Variants in GLI2 observed in about 807,000 individuals in gnomAD.
The protein encoded by GLI2 is GLI family zinc finger 2.
In GLI2, 22 loss-of-function variants were observed where a neutral mutation model predicts 78.9. The ratio of observed to expected loss-of-function variants is 0.28; its 90% confidence interval spans 0.20 to 0.40. The LOEUF is 0.40. GLI2 is among the 10% of genes least tolerant of loss of function. The pLI, the probability that GLI2 is intolerant of heterozygous loss-of-function variation, is 1.00. For synonymous variants in GLI2, 974 were observed against 963.7 expected (o/e 1.01, Z -0.20); for missense variants, 2,097 against 2,213.2 (o/e 0.95, Z 1.05).
intron 2 of GLI2, among the ~76,000 whole-genome samples, chr2:120,902,669 G>A (rs1367012842): frequency 3.9e-5 from 6 of 152,240 alleles, no homozygotes; most frequent in Non-Finnish European, 8.8e-5. Context: ...TCCAGAGGCT[G>A]TGCTGCCCCT....
intron 2 of GLI2, among the ~76,000 whole-genome samples, chr2:120,829,964 C>CGTGT (rs140092401): frequency 6.6e-6 from 1 of 151,804 alleles, no homozygotes; most frequent in African/African-American, 2.4e-5. Context: ...GGTGTGCCTG[C>CGTGT]GTGTGTGTGT....
chr2:120,771,798 T>A (rs1683530480), intron 1 of GLI2, among the ~76,000 whole-genome samples: 2 of 152,156 alleles, frequency 1.3e-5, no homozygotes, highest in Admixed American at 1.3e-4. Context: ...GGACCAGGAC[T>A]CCTCAAAGTT....
At chr2:120,905,710 A>C (rs1043066301) in intron 2 of GLI2, among the ~76,000 whole-genome samples, 2 of 152,208 alleles carry the variant, frequency 1.3e-5, no homozygotes, top group African/African-American at 4.8e-5. Flanking sequence ...AGGGCCCTTC[A>C]GCAGGAACGA....
intron 2 of GLI2, among the ~76,000 whole-genome samples, chr2:120,850,895 C>G (rs1687375648): frequency 6.6e-6 from 1 of 152,190 alleles, no homozygotes; most frequent in Non-Finnish European, 1.5e-5. Context: ...ATTAAAGAAT[C>G]AAAACGTGGT....
intron 7 of GLI2, 119 bp from the exon 8 acceptor site, chr2:120,971,822 A>T: frequency 1.1e-6 from 1 of 889,688 alleles, no homozygotes; most frequent in Non-Finnish European, 1.9e-6. Flanking sequence ...CTGATACTTT[A>T]AACACAGGGT....
intron 2 of GLI2, among the ~76,000 whole-genome samples, chr2:120,804,008 T>A (rs1684823136): frequency 6.6e-6 from 1 of 152,116 alleles, no homozygotes; most frequent in Non-Finnish European, 1.5e-5. Context: ...CCAGGAGGCG[T>A]GTGTGCTACC....
At chr2:120,901,518 C>T (rs542113768) in intron 2 of GLI2, among the ~76,000 whole-genome samples, 1 of 152,298 alleles carries the variant, frequency 6.6e-6, no homozygotes, top group South Asian at 2.1e-4. Flanking sequence ...CTTCCTGGCC[C>T]CAGCCCCCAG....
chr2:120,812,328 G>A (rs1183732747), intron 2 of GLI2, among the ~76,000 whole-genome samples: 2 of 152,180 alleles, frequency 1.3e-5, no homozygotes, highest in African/African-American at 4.8e-5. Context: ...AGGAGCCGCT[G>A]GATGGGCCCT....
At chr2:120,936,175 C>T (rs755110195) in intron 3 of GLI2, among the ~76,000 whole-genome samples, 2 of 152,152 alleles carry the variant, frequency 1.3e-5, no homozygotes, top group Non-Finnish European at 2.9e-5. Context: ...CTCTTCACAT[C>T]CTTGGGCTTG....
At position 120,988,759 on chromosome 2, in the gene GLI2, G is replaced by C; in HGVS notation, c.2794G>C (p.Gly932Arg). Reference sequence around the variant, plus strand: ...CAGCGACGGGCCGACCTATGGCCACGGCCACGCGGGGGCTGCGCCCGCCTT... The same window carrying C: ...CAGCGACGGGCCGACCTATGGCCACCGCCACGCGGGGGCTGCGCCCGCCTT... ...RGSDGPTYGH[G>R]HAGAAPAFPH... Residue 932 changes from glycine (G) to arginine (R), a missense_variant, in exon 14 of 14, where the codon GGC (glycine) becomes CGC (arginine). By Grantham distance (125) the Gly-to-Arg change is moderately radical. This residue lies in a region of GLI2 where 1,290 missense variants were observed against 1,261.7 expected (regional missense o/e 1.02). Transcript: ENST00000361492. 8.0e-7 allele frequency: 1 copy of C among 1,246,284 alleles called. No homozygotes were observed. 77.2% of individuals were successfully genotyped at this position (1,246,284 alleles called of 1,614,324 possible). A position where few individuals can be genotyped will look rare whatever the true frequency, so the allele number is the denominator to read the frequency against.
chr2:120,814,521 G>C (rs1685401679), intron 2 of GLI2, among the ~76,000 whole-genome samples: 1 of 152,168 alleles, frequency 6.6e-6, no homozygotes, highest in Non-Finnish European at 1.5e-5. Flanking sequence ...GTGGAGCAGG[G>C]GTCCCATCCT....
In GLI2 at chr2:120,989,403, T is replaced by C; in HGVS notation, c.3438T>C (p.Pro1146=). 1 of 1,613,022 alleles carries C rather than the reference T, an allele frequency of 6.2e-7. No individual in the cohort carries two copies. The highest frequency in any genetic ancestry group is 8.5e-7 in the Non-Finnish European group (1 of 1,179,986). Residue 1146 remains proline (P), a synonymous_variant, in exon 14 of 14, where the codon CCT becomes CCC. Transcript: ENST00000361492. ...ACGCCCTGGCCAGCCAGGTGAAGCCTCCACCCTTTCCTCAGGGCAACCTGG... is the reference window on the plus strand; with the variant it reads ...ACGCCCTGGCCAGCCAGGTGAAGCCCCCACCCTTTCCTCAGGGCAACCTGG... The part of the protein sequence containing the change: ...TVDALASQVK[P]PPFPQGNLAV...
chr2:120,749,061 G>A (rs1031343910), intron 1 of GLI2, among the ~76,000 whole-genome samples: 6 of 152,160 alleles, frequency 3.9e-5, no homozygotes, highest in African/African-American at 1.4e-4. Flanking sequence ...CATCCATGAA[G>A]CCAAGGGTCA....
At chr2:120,815,743 G>C (rs140746617) in intron 2 of GLI2, among the ~76,000 whole-genome samples, 4 of 152,330 alleles carry the variant, frequency 2.6e-5, no homozygotes, top group Admixed American at 1.3e-4. Context: ...TTGGAACCAG[G>C]GTGGTGATAG....
In GLI2 at chr2:120,992,588, A is replaced by AT. The variant is rs951125020; in HGVS notation, c.*1919dup. On this transcript the variant is annotated 3_prime_UTR_variant, in exon 14 of 14. Coordinates refer to ENST00000361492, the MANE Select transcript of GLI2 (RefSeq NM_001374353.1). ...TGCATTCGAGCAGAAATTAGGCTGTATTTTTTCTTAACAGTGTCAAAATTG... is the reference window on the plus strand; with the variant it reads ...TGCATTCGAGCAGAAATTAGGCTGTATTTTTTTCTTAACAGTGTCAAAATTG... 16 of 152,136 alleles carry AT rather than the reference A, an allele frequency of 1.1e-4. No individual in the cohort carries two copies. Among genetic ancestry groups the AT allele is most frequent in the African/African-American group, 3.9e-4 (16 of 41,420 alleles). The allele number at this position is 152,136 out of a possible 1,614,324, so 9.4% of individuals were successfully genotyped here.
chr2:120,871,871 G>A (rs983428467), intron 2 of GLI2, among the ~76,000 whole-genome samples: 3 of 152,100 alleles, frequency 2.0e-5, no homozygotes, highest in Non-Finnish European at 4.4e-5. Context: ...AAACAGAGCC[G>A]GGCCCATTTA....
intron 1 of GLI2, among the ~76,000 whole-genome samples, chr2:120,772,801 G>T (rs1450651731): frequency 6.6e-6 from 1 of 152,230 alleles, no homozygotes; most frequent in Non-Finnish European, 1.5e-5. Context: ...AGCAATGCTG[G>T]TAAGAGGCAC....
intron 2 of GLI2, 135 bp from the exon 3 acceptor site, chr2:120,927,226 C>G: frequency 2.6e-6 from 2 of 760,208 alleles, no homozygotes; most frequent in Non-Finnish European, 4.9e-6. Flanking sequence ...GGTGTGTGAT[C>G]GCGCGGGCAC....
At chr2:120,775,277 G>C (rs1044459823) in intron 1 of GLI2, among the ~76,000 whole-genome samples, 2 of 152,212 alleles carry the variant, frequency 1.3e-5, no homozygotes, top group African/African-American at 4.8e-5. Flanking sequence ...TGCTTAAGCA[G>C]ACACAAGACA....
Sources: allele counts gnomAD v4.1 joint callset (sites outside exome capture counted in the v4.1 genomes callset), GRCh38; gene constraint gnomAD v4.1.1; regional missense constraint gnomAD v4.1.1; transcripts MANE v1.5; gene names NCBI Gene and HGNC (gene_info 2026-07-23, HGNC 2026-07-21).